ZC4H2: variants seen among roughly 807,000 people sequenced by gnomAD.
ZC4H2 encodes the protein zinc finger C4H2-type containing, also known as zinc finger C4H2 domain-containing protein.
For missense variants in ZC4H2, 137 were observed against 173.9 expected (o/e 0.79, Z 1.19); for synonymous variants, 84 against 66.3 (o/e 1.27, Z -1.30).
Position 64,961,525 on chromosome X carries a change from G to A in ZC4H2, c.53+14800C>T, listed in dbSNP as rs1215420924. 2.7e-5 allele frequency among the ~76,000 whole-genome samples: 3 copies of A among 111,096 alleles called. No individual in the cohort carries two copies. In the South Asian group the frequency reaches 1.1e-3, roughly 41 times the overall value. ...TTTATAATAACTTTTAATGTCATCA[G>A]CTAATAATTCTATTAACCATGTGAT... On this transcript the variant is annotated intron_variant, in intron 1 of 4. Transcript: ENST00000374839.
At chrX:64,922,048 G>A in intron 1 of ZC4H2, 60 bp from the exon 2 acceptor site, 1 of 1,177,616 alleles carries the variant, frequency 8.5e-7, no homozygotes, top group South Asian at 2.0e-5. Context: ...TAGAAATGGA[G>A]CCAGGACTTT....
At chrX:64,944,297 T>C (rs953393019) in intron 1 of ZC4H2, among the ~76,000 whole-genome samples, 2 of 109,085 alleles carry the variant, frequency 1.8e-5, no homozygotes, top group Non-Finnish European at 3.8e-5. Flanking sequence ...CCTGCCACCA[T>C]GCCTGGCTAA....
chrX:64,939,088 A>G (rs111625214), intron 1 of ZC4H2, among the ~76,000 whole-genome samples: 1 of 112,392 alleles, frequency 8.9e-6, no homozygotes, highest in Non-Finnish European at 1.9e-5. Flanking sequence ...ATTTCAGCAA[A>G]GTCTCAGGAT....
rs189940828 is a variant in ZC4H2, at chrX:64,934,259, A to T, written c.54-12271T>A. On this transcript the variant is annotated intron_variant, in intron 1 of 4. Coordinates refer to ENST00000374839, the MANE Select transcript of ZC4H2 (RefSeq NM_018684.4). Reference sequence around the variant, plus strand: ...TTAAACATGTGGAATATTCTCCAAAATTTTTAACATTTTTACTCCATTGTA... The same window carrying T: ...TTAAACATGTGGAATATTCTCCAAATTTTTTAACATTTTTACTCCATTGTA... 7.5e-3 allele frequency among the ~76,000 whole-genome samples: 838 copies of T among 112,360 alleles called. 3 individuals carry two copies. The highest frequency in any genetic ancestry group is 0.023 in the Middle Eastern group (5 of 218).
At chrX:64,985,623 C>T (rs751263365) in intron 1 of ZC4H2, among the ~76,000 whole-genome samples, 10 of 111,378 alleles carry the variant, frequency 9.0e-5, no homozygotes, top group African/African-American at 2.9e-4. Flanking sequence ...ACAATGTGCG[C>T]TGTGTTATAA....
chrX:65,011,077 T>G (rs976439801), intron 1 of ZC4H2, among the ~76,000 whole-genome samples: 1 of 111,759 alleles, frequency 8.9e-6, no homozygotes, highest in South Asian at 3.7e-4. Flanking sequence ...AACAGTCTTT[T>G]TCTTCTAAGG....
intron 1 of ZC4H2, among the ~76,000 whole-genome samples, chrX:64,936,796 C>T (rs764586128): frequency 8.0e-5 from 9 of 111,900 alleles, no homozygotes; most frequent in African/African-American, 2.9e-4. Flanking sequence ...AAAGAAACAA[C>T]AGGTACCAGT....
intron 1 of ZC4H2, among the ~76,000 whole-genome samples, chrX:65,007,382 T>G (rs1257530897): frequency 8.9e-6 from 1 of 112,294 alleles, no homozygotes; most frequent in African/African-American, 3.2e-5. Context: ...TTTGAAGTTT[T>G]TATTGTTGTA....
chrX:64,993,245 C>A (rs1391095282), intron 1 of ZC4H2, among the ~76,000 whole-genome samples: 2 of 111,792 alleles, frequency 1.8e-5, no homozygotes, highest in African/African-American at 6.5e-5. Flanking sequence ...AACATTCCCC[C>A]AGTGGAGATG....
chrX:65,026,415 G>A (rs1026940135), intron 1 of ZC4H2, among the ~76,000 whole-genome samples: 1 of 111,786 alleles, frequency 8.9e-6, no homozygotes, highest in Admixed American at 9.5e-5. Context: ...CTTGAGCAAC[G>A]AAAGGAATTT....
At chrX:64,937,214 A>T (rs1930055089) in intron 1 of ZC4H2, among the ~76,000 whole-genome samples, 1 of 111,562 alleles carries the variant, frequency 9.0e-6, no homozygotes, top group African/African-American at 3.3e-5. Flanking sequence ...TGTTAGAGGG[A>T]TCAATGCAAC....
chrX:64,948,058 G>C (rs1282593227), intron 1 of ZC4H2, among the ~76,000 whole-genome samples: 1 of 111,330 alleles, frequency 9.0e-6, no homozygotes, highest in Non-Finnish European at 1.9e-5. Context: ...GGAGCACTGA[G>C]TGAACAAGCA....
chrX:64,931,717 G>A (rs765736491), intron 1 of ZC4H2, among the ~76,000 whole-genome samples: 47 of 111,490 alleles, frequency 4.2e-4, no homozygotes, highest in Non-Finnish European at 7.0e-4. Flanking sequence ...CTGAGAAAAT[G>A]CTTGATATAA....
intron 1 of ZC4H2, among the ~76,000 whole-genome samples, chrX:64,963,173 C>T (rs2147405941): frequency 8.9e-6 from 1 of 111,805 alleles, no homozygotes; most frequent in Non-Finnish European, 1.9e-5. Context: ...TACAAGAATA[C>T]ACAATGCAAG....
At position 64,990,655 on chromosome X, in the gene ZC4H2, CTCAAG is replaced by C. The variant is rs774847291; in HGVS notation, c.-272+43969_-272+43973del. On this transcript the variant is annotated intron_variant, in intron 1 of 4. Coordinates refer to the ZC4H2 transcript ENST00000337990. ...TTTTCAGCATTCCCTTAAAATTATGCTCAAGTCAACTACCTCCACTCACCTCACTC... is the reference window on the plus strand; with the variant it reads ...TTTTCAGCATTCCCTTAAAATTATGCTCAACTACCTCCACTCACCTCACTC... Among the ~76,000 whole-genome samples the C allele has an allele frequency of 9.9e-5, 11 of 111,612 alleles. No homozygotes were observed. In the Admixed American group the frequency reaches 1.0e-3, roughly 11 times the overall value.
chrX:65,032,108 G>T (rs1207364218), intron 1 of ZC4H2, among the ~76,000 whole-genome samples: 2 of 111,486 alleles, frequency 1.8e-5, no homozygotes, highest in Non-Finnish European at 3.8e-5. Flanking sequence ...ACTGATGTGG[G>T]CAAAGGAGCT....
At chrX:64,918,127 C>A (rs1343200614) in intron 4 of ZC4H2, 3 of 318,400 alleles carry the variant, frequency 9.4e-6, no homozygotes, top group Non-Finnish European at 1.6e-5. Context: ...GAAAGTAAGG[C>A]AAAATGAGAA....
chrX:64,982,619 G>T (rs1022633283), intron 1 of ZC4H2, among the ~76,000 whole-genome samples: 1 of 112,139 alleles, frequency 8.9e-6, no homozygotes, highest in African/African-American at 3.2e-5. Flanking sequence ...GACAATGACA[G>T]AGGCTTCATT....
intron 1 of ZC4H2, among the ~76,000 whole-genome samples, chrX:64,950,063 G>C (rs1475230408): frequency 8.9e-6 from 1 of 111,791 alleles, no homozygotes; most frequent in Non-Finnish European, 1.9e-5. Context: ...GTTCACGTTG[G>C]TTTCAAAGAA....
Sources: allele counts gnomAD v4.1 joint callset (sites outside exome capture counted in the v4.1 genomes callset), GRCh38; gene constraint gnomAD v4.1.1; transcripts MANE v1.5; gene names NCBI Gene and HGNC (gene_info 2026-07-23, HGNC 2026-07-21).